The following TCEA1 variants were observed in gnomAD, a reference collection of about 807,000 sequenced individuals.
The protein encoded by TCEA1 is transcription elongation factor A protein 1.
TCEA1 carries 21 observed loss-of-function variants against 43.8 expected under a neutral mutation model. The observed-to-expected ratio is 0.48, with a 90% CI of 0.34 to 0.69. TCEA1 has a LOEUF of 0.69. Ranked by LOEUF, TCEA1 falls within the 30% of genes least tolerant of loss-of-function variation. The probability of loss-of-function intolerance (pLI) is 0.01; values close to 1 mark genes in which losing one functional copy is unlikely to be tolerated. For missense variants in TCEA1, 250 were observed against 365.1 expected (o/e 0.68, Z 2.57); for synonymous variants, 104 against 117.5 (o/e 0.88, Z 0.75).
chr8:53,989,552 C>G (rs759206923), intron 4 of TCEA1, among the ~76,000 whole-genome samples: 1 of 152,192 alleles, frequency 6.6e-6, no homozygotes, highest in Non-Finnish European at 1.5e-5. Context: ...GAAGCCTTCA[C>G]TGATTTCCCC....
intron 2 of TCEA1, 108 bp from the exon 3 acceptor site, chr8:54,000,158 T>C (rs1279764488): frequency 2.8e-6 from 2 of 715,080 alleles, no homozygotes; most frequent in South Asian, 4.6e-5. Context: ...TTTTAGAATT[T>C]CAAAACTTCA....
intron 9 of TCEA1, 56 bp downstream of exon 9, chr8:53,970,336 G>A (rs933835091): frequency 5.8e-6 from 7 of 1,211,066 alleles, no homozygotes; most frequent in Non-Finnish European, 8.6e-6. Context: ...GAAAAGACCA[G>A]AAGAAATCTT....
At chr8:53,971,429 G>A (rs1006878834) in intron 8 of TCEA1, 10 of 152,598 alleles carry the variant, frequency 6.6e-5, no homozygotes, top group African/African-American at 1.9e-4. Context: ...TGACCAACAC[G>A]GTGAAACCTC....
chr8:53,968,869 G>C (rs992206160), intron 9 of TCEA1, among the ~76,000 whole-genome samples: 4 of 152,158 alleles, frequency 2.6e-5, no homozygotes, highest in Non-Finnish European at 4.4e-5. Flanking sequence ...AAAAGAAGGT[G>C]AATGTCCCTC....
intron 2 of TCEA1, chr8:54,009,740 G>C (rs1214584355): frequency 6.6e-6 from 1 of 152,206 alleles, no homozygotes; most frequent in Non-Finnish European, 1.5e-5. Context: ...GAAGGAATAA[G>C]TTCTAAGGTT....
intron 2 of TCEA1, among the ~76,000 whole-genome samples, chr8:54,000,598 T>C (rs1453761536): frequency 2.0e-5 from 3 of 152,328 alleles, no homozygotes; most frequent in African/African-American, 7.2e-5. Context: ...TAACCTGTGA[T>C]AATTACGTGC....
chr8:53,979,741 A>T (rs901349762), intron 7 of TCEA1, among the ~76,000 whole-genome samples: 1 of 152,238 alleles, frequency 6.6e-6, no homozygotes, highest in Non-Finnish European at 1.5e-5. Flanking sequence ...CAGAGGACAC[A>T]AAGTGTGTGA....
At position 53,973,630 on chromosome 8, in the gene TCEA1, T is replaced by C. The variant is rs572945949; in HGVS notation, c.826-3167A>G. ...AAGAAACACTTCAATTACAACAAGA[T>C]TGTGGAGCACCAGAACCTGAGCAAA... is the stretch of plus-strand genomic sequence containing the variant. On this transcript the variant is annotated intron_variant, in intron 8 of 9. Coordinates refer to ENST00000521604, the MANE Select transcript of TCEA1 (RefSeq NM_006756.4). 3.8e-4 allele frequency: 218 copies of C among 568,644 alleles called. 1 individual carries two copies. Among genetic ancestry groups the C allele is most frequent in the Non-Finnish European group, 2.5e-4 (72 of 292,664 alleles). The allele number at this position is 568,644 out of a possible 1,614,324, so 35.2% of individuals were successfully genotyped here.
At chr8:53,978,927 A>C (rs1351960140) in intron 8 of TCEA1, 98 bp downstream of exon 8, 1 of 1,367,380 alleles carries the variant, frequency 7.3e-7, no homozygotes, top group Non-Finnish European at 9.9e-7. Flanking sequence ...TGGATAAGTG[A>C]GGGACTATCA....
At chr8:53,978,618 C>T (rs1803408010) in intron 8 of TCEA1, 1 of 154,568 alleles carries the variant, frequency 6.5e-6, no homozygotes, top group African/African-American at 2.4e-5. Context: ...CAACAGCAGC[C>T]TAACACTTAG....
At chr8:53,973,298 G>T in intron 8 of TCEA1, 1 of 517,656 alleles carries the variant, frequency 1.9e-6, no homozygotes, top group Admixed American at 2.8e-5. Flanking sequence ...TAAAGAAAGT[G>T]CAAAGAGATG....
chr8:53,971,162 G>A (rs1307204483), intron 8 of TCEA1: 1 of 152,136 alleles, frequency 6.6e-6, no homozygotes, highest in Non-Finnish European at 1.5e-5. Flanking sequence ...TAAAGAAAAG[G>A]GAGAGAACTC....
chr8:54,001,298 C>G (rs2129309071), intron 2 of TCEA1, among the ~76,000 whole-genome samples: 1 of 152,130 alleles, frequency 6.6e-6, no homozygotes, highest in South Asian at 2.1e-4. Context: ...AAAAGAGACA[C>G]CCTATTGTAA....
intron 8 of TCEA1, chr8:53,973,488 T>C (rs1459855250): frequency 2.0e-6 from 1 of 496,284 alleles, no homozygotes; most frequent in Non-Finnish European, 3.8e-6. Flanking sequence ...AAAAAATAGG[T>C]ATAAAGAAAA....
At position 53,966,861 on chromosome 8, in the gene TCEA1, A is replaced by T. The variant is rs1464996897; in HGVS notation, c.*1243T>A. On this transcript the variant is annotated 3_prime_UTR_variant, in exon 10 of 10. Coordinates refer to ENST00000521604, the MANE Select transcript of TCEA1 (RefSeq NM_006756.4). Reference sequence around the variant, plus strand: ...AGGTCTTTCTACGGGTGCCTGACAGAATGCAGATTCAGCATAAAATGTAGA... The same window carrying T: ...AGGTCTTTCTACGGGTGCCTGACAGTATGCAGATTCAGCATAAAATGTAGA... The T allele has an allele frequency of 6.4e-5, 13 of 203,794 alleles. No homozygotes were observed. In the Admixed American group the frequency reaches 7.8e-4, roughly 12 times the overall value. 12.6% of individuals were successfully genotyped at this position (203,794 alleles called of 1,614,324 possible).
At position 53,986,994 on chromosome 8, in the gene TCEA1, TTCC is replaced by T. The variant is rs759041615; in HGVS notation, c.495_497del (p.Glu167del). On this transcript the variant is annotated inframe_deletion, in exon 6 of 10. Transcript: ENST00000521604. ...CTTCTTCAATTTGAGATCCTAATTC[TTCC>T]TCATCAGCTCCAATTGCAATGTAGT... 11 of 1,600,986 alleles carry T rather than the reference TTCC, an allele frequency of 6.9e-6. No homozygotes were observed. The Admixed American group carries it at 1.6e-4, about 23-fold the overall frequency.
At chr8:54,016,866 C>G (rs1804844719) in intron 1 of TCEA1, among the ~76,000 whole-genome samples, 2 of 149,250 alleles carry the variant, frequency 1.3e-5, no homozygotes, top group Non-Finnish European at 3.0e-5. Context: ...CCCAGCTACT[C>G]GGGAGGCTGA....
chr8:54,016,978 CAAAAAAAAAAA>C (rs1159105172), intron 1 of TCEA1, among the ~76,000 whole-genome samples: 5 of 67,408 alleles, frequency 7.4e-5, no homozygotes, highest in Admixed American at 3.3e-4. Flanking sequence ...GACTCCGTCT[CAAAAAAAAAAA>C]AAAAAAAAAA....
intron 3 of TCEA1, among the ~76,000 whole-genome samples, chr8:53,999,278 G>T (rs536137226): frequency 4.7e-5 from 7 of 150,308 alleles, no homozygotes; most frequent in African/African-American, 1.7e-4. Flanking sequence ...TCCTGAAGTG[G>T]ATCTTTTCCT....
Sources: gnomAD v4.1 joint callset for allele counts (sites outside exome capture counted in the v4.1 genomes callset) on GRCh38, gnomAD v4.1.1 for gene constraint, MANE v1.5 for transcripts, NCBI Gene and HGNC (gene_info 2026-07-23, HGNC 2026-07-21) for gene names.